Variants in SEC22A observed in about 807,000 individuals in gnomAD.
SEC22A encodes vesicle-trafficking protein SEC22a.
SEC22A carries 22 observed loss-of-function variants against 35.3 expected under a neutral mutation model. The ratio of observed to expected loss-of-function variants is 0.62; its 90% CI spans 0.45 to 0.89. SEC22A has a LOEUF of 0.89. Ranked by LOEUF, SEC22A falls within the 40% of genes least tolerant of loss-of-function variation. SEC22A has a pLI of 0.00. For missense variants in SEC22A, 354 were observed against 362.5 expected, an observed-to-expected ratio of 0.98 and a Z score of 0.19; for synonymous variants, 119 against 129.5, an observed-to-expected ratio of 0.92 and a Z score of 0.55.
chr3:123,229,579 C>T (rs961666652), intron 4 of SEC22A, among the ~76,000 whole-genome samples: 1 of 152,156 alleles, frequency 6.6e-6, no homozygotes, highest in African/African-American at 2.4e-5. Flanking sequence ...AAAGGAAATT[C>T]TTGGCTGCAT....
chr3:123,223,126 G>C (rs746556874), intron 2 of SEC22A, among the ~76,000 whole-genome samples: 4 of 152,210 alleles, frequency 2.6e-5, no homozygotes, highest in Non-Finnish European at 5.9e-5. Flanking sequence ...TGATCACCTT[G>C]AAATTGTGTG....
At chr3:123,215,714 C>T (rs376607825) in intron 2 of SEC22A, among the ~76,000 whole-genome samples, 7 of 152,138 alleles carry the variant, frequency 4.6e-5, no homozygotes, top group Admixed American at 4.6e-4. Flanking sequence ...ATTCAGGCAT[C>T]GCATTATTAT....
chr3:123,223,649 G>A lies in SEC22A; in HGVS notation c.273G>A (p.Gln91=), dbSNP rs1559753996. Residue 91 remains glutamine, a synonymous_variant, in exon 3 of 7, where the codon CAG becomes CAA. Transcript: ENST00000492595. ...VLAFSFLDEL[Q]KEFITTYNMM... ...CCTTCTCTTTCCTGGATGAGCTTCA[G>A]AAGGAGTTCATTACTACTTATAACA... The A allele has an allele frequency of 2.5e-6, 4 of 1,612,062 alleles. No homozygotes were observed. Among genetic ancestry groups the A allele is most frequent in the Admixed American group, 1.7e-5 (1 of 60,030 alleles).
chr3:123,209,272 T>A lies in SEC22A; in HGVS notation c.55T>A (p.Ser19Thr), dbSNP rs200124432. Residue 19 changes from serine (S) to threonine (T), a missense_variant, in exon 2 of 7, where the codon TCT becomes ACT. Physicochemically the swap from Ser to Thr is moderately conservative, Grantham distance 58. Coordinates refer to ENST00000492595, the MANE Select transcript of SEC22A (RefSeq NM_012430.5). ...TCGTGTCAGAGATGGACTGCCACTTTCTGCTTCTACTGATTATGAACAAAG... is the reference window on the plus strand; with the variant it reads ...TCGTGTCAGAGATGGACTGCCACTTACTGCTTCTACTGATTATGAACAAAG... ...VIRVRDGLPL[S>T]ASTDYEQSTG... The A allele has an allele frequency of 6.6e-5, 106 of 1,614,146 alleles. No homozygotes were observed. In the East Asian group the frequency reaches 2.2e-3, roughly 34 times the overall value.
At chr3:123,226,341 G>A (rs977008033) in intron 4 of SEC22A, among the ~76,000 whole-genome samples, 6 of 151,970 alleles carry the variant, frequency 3.9e-5, no homozygotes, top group African/African-American at 1.2e-4. Context: ...TTTCTTCCAC[G>A]TCATCACCAG....
chr3:123,210,923 C>T (rs1936931324), intron 2 of SEC22A, among the ~76,000 whole-genome samples: 1 of 152,148 alleles, frequency 6.6e-6, no homozygotes, highest in African/African-American at 2.4e-5. Flanking sequence ...GGTGTATTAA[C>T]ATGCTTATCC....
chr3:123,246,131 G>C, intron 5 of SEC22A, 117 bp downstream of exon 5: 1 of 600,722 alleles, frequency 1.7e-6, no homozygotes, highest in South Asian at 2.2e-5. Context: ...CAAAATCTAT[G>C]TTTTTTTATA....
chr3:123,225,588 A>T (rs1004804225), intron 4 of SEC22A, among the ~76,000 whole-genome samples: 1 of 152,196 alleles, frequency 6.6e-6, no homozygotes, highest in Non-Finnish European at 1.5e-5. Context: ...TGTGTAATAT[A>T]TTTATGGGGT....
intron 4 of SEC22A, among the ~76,000 whole-genome samples, chr3:123,232,226 C>T (rs6768947): frequency 0.16 from 24,189 of 151,960 alleles, 2,268 homozygotes; most frequent in Middle Eastern, 0.27. Flanking sequence ...GGTGATAGAG[C>T]GAGGCTCTGT....
intron 1 of SEC22A, among the ~76,000 whole-genome samples, chr3:123,207,150 TGAAAA>T (rs1176628685): frequency 2.0e-5 from 3 of 152,052 alleles, no homozygotes; most frequent in African/African-American, 7.2e-5. Context: ...TTTTTCCTCA[TGAAAA>T]GAGGAAAAAG....
chr3:123,265,413 C>T (rs1938004852), intron 6 of SEC22A, among the ~76,000 whole-genome samples: 1 of 151,538 alleles, frequency 6.6e-6, no homozygotes, highest in Non-Finnish European at 1.5e-5. Context: ...AAAATGGTTT[C>T]AGATCAGTCT....
At chr3:123,251,853 T>C (rs1276746959) in intron 5 of SEC22A, among the ~76,000 whole-genome samples, 2 of 152,164 alleles carry the variant, frequency 1.3e-5, no homozygotes, top group East Asian at 3.8e-4. Flanking sequence ...TCCTTTCCTT[T>C]TCCCACTGTG....
At chr3:123,210,029 G>A (rs1303076771) in intron 2 of SEC22A, among the ~76,000 whole-genome samples, 1 of 152,206 alleles carries the variant, frequency 6.6e-6, no homozygotes, top group Non-Finnish European at 1.5e-5. Context: ...AATTAATAGA[G>A]TTGCAGAAAG....
chr3:123,230,706 A>T, intron 4 of SEC22A, among the ~76,000 whole-genome samples: 1 of 150,468 alleles, frequency 6.6e-6, no homozygotes, highest in Admixed American at 6.6e-5. Context: ...ATGCAAAAAA[A>T]AAAAAAAAAA....
intron 5 of SEC22A, among the ~76,000 whole-genome samples, chr3:123,253,232 C>G (rs1387308689): frequency 3.3e-5 from 5 of 152,132 alleles, no homozygotes; most frequent in Non-Finnish European, 7.4e-5. Context: ...TCTCATCTTG[C>G]AATTCTGCAA....
intron 5 of SEC22A, among the ~76,000 whole-genome samples, chr3:123,256,449 CAATCTT>C (rs1459345448): frequency 6.6e-6 from 1 of 151,986 alleles, no homozygotes; most frequent in Non-Finnish European, 1.5e-5. Flanking sequence ...GCCTCTGAGT[CAATCTT>C]AATCTCCTCC....
chr3:123,269,540 T>C (rs539160057), intron 6 of SEC22A, among the ~76,000 whole-genome samples: 1 of 152,164 alleles, frequency 6.6e-6, no homozygotes, highest in African/African-American at 2.4e-5. Flanking sequence ...CATTTCAATC[T>C]TGACAAAACA....
chr3:123,248,604 T>G (rs1420763018), intron 5 of SEC22A, among the ~76,000 whole-genome samples: 1 of 152,224 alleles, frequency 6.6e-6, no homozygotes, highest in Middle Eastern at 3.2e-3. Flanking sequence ...AATGGAGAGA[T>G]ATTCCATGTT....
intron 4 of SEC22A, among the ~76,000 whole-genome samples, chr3:123,232,872 C>G (rs916848942): frequency 1.3e-5 from 2 of 152,158 alleles, no homozygotes; most frequent in Non-Finnish European, 2.9e-5. Flanking sequence ...GTGGTTCATG[C>G]CTATAATCCC....
Sources: gnomAD v4.1 joint callset for allele counts (sites outside exome capture counted in the v4.1 genomes callset) on GRCh38, gnomAD v4.1.1 for gene constraint, MANE v1.5 for transcripts, NCBI Gene and HGNC (gene_info 2026-07-23, HGNC 2026-07-21) for gene names.